SHISA9: variants seen among roughly 807,000 people sequenced by gnomAD.
SHISA9 encodes shisa family member 9, also known as protein shisa-9.
SHISA9 carries 13 observed loss-of-function variants against 38.0 expected under a neutral mutation model. That is an observed-to-expected ratio of 0.34 (90% confidence interval 0.22 to 0.54). SHISA9 has a LOEUF of 0.54. SHISA9 is among the 20% of genes least tolerant of loss of function. SHISA9 has a pLI of 0.91. For synonymous variants in SHISA9, 275 were observed against 242.0 expected (o/e 1.14, Z -1.27); for missense variants, 538 against 575.8 (o/e 0.93, Z 0.67).
the SHISA9 span, among the ~76,000 whole-genome samples, chr16:13,500,460 G>C: frequency 1.3e-5 from 2 of 152,178 alleles, no homozygotes; most frequent in African/African-American, 2.4e-5. Context: ...CCAGCGTAAA[G>C]TTTCTGCAGT....
At chr16:13,064,785 A>C (rs2073414804) in intron 2 of SHISA9, among the ~76,000 whole-genome samples, 1 of 94,170 alleles carries the variant, frequency 1.1e-5, no homozygotes. Context: ...GTTGTAAGGC[A>C]AAAAAAAAAA....
intron 1 of SHISA9, chr16:12,909,139 A>G: frequency 2.0e-6 from 2 of 985,658 alleles, no homozygotes; most frequent in Non-Finnish European, 2.4e-6. Context: ...TGGCCACAGA[A>G]AAGTCTTAAT....
chr16:13,423,431 G>A, the SHISA9 span, among the ~76,000 whole-genome samples: 1 of 152,154 alleles, frequency 6.6e-6, no homozygotes, highest in Admixed American at 6.5e-5. Flanking sequence ...GTTACCAAGA[G>A]TTCAATTTCA....
the SHISA9 span, among the ~76,000 whole-genome samples, chr16:13,418,920 C>T: frequency 2.6e-5 from 4 of 152,150 alleles, no homozygotes; most frequent in African/African-American, 9.7e-5. Context: ...CAGCTAATAG[C>T]CTGATTAATG....
chr16:13,022,582 C>T lies in SHISA9; in HGVS notation c.691+105767C>T, dbSNP rs545505383. Among the ~76,000 whole-genome samples, 10 of 152,138 alleles carry T rather than the reference C, an allele frequency of 6.6e-5. No individual in the cohort carries two copies. The East Asian group carries it at 7.8e-4, about 12-fold the overall frequency. ...CTGACCTCAGGTGATCCACCTGTCT[C>T]GGGCCTCCCAGAGTGCTGGGATTAC... On this transcript the variant is annotated intron_variant, in intron 2 of 4. Coordinates refer to ENST00000558583, the MANE Select transcript of SHISA9 (RefSeq NM_001145204.3).
At chr16:13,560,208 G>A in the SHISA9 span, among the ~76,000 whole-genome samples, 2 of 152,212 alleles carry the variant, frequency 1.3e-5, no homozygotes, top group Non-Finnish European at 2.9e-5. Context: ...CTAAGGCTTA[G>A]TATCTTCCCA....
At chr16:13,434,968 T>A in the SHISA9 span, among the ~76,000 whole-genome samples, 1 of 152,230 alleles carries the variant, frequency 6.6e-6, no homozygotes, top group African/African-American at 2.4e-5. Context: ...CCTTTGGGGC[T>A]TAATTAATAA....
intron 2 of SHISA9, among the ~76,000 whole-genome samples, chr16:13,181,308 TATATACACACAC>T (rs1171213965): frequency 2.6e-5 from 1 of 37,938 alleles, no homozygotes; most frequent in African/African-American, 1.6e-4. Flanking sequence ...TATATATATA[TATATACACACAC>T]ACACACACAC....
the SHISA9 span, among the ~76,000 whole-genome samples, chr16:13,402,722 G>C: frequency 6.6e-6 from 1 of 152,060 alleles, no homozygotes; most frequent in Non-Finnish European, 1.5e-5. Flanking sequence ...ATCACACCCC[G>C]CTAGACGAAC....
chr16:12,902,650 T>A (rs1456985694), intron 1 of SHISA9, 23 bp downstream of exon 1: 2 of 1,519,606 alleles, frequency 1.3e-6, no homozygotes, highest in Admixed American at 2.0e-5. Context: ...CCCTTCGCCC[T>A]CCCCTCGGGG....
chr16:13,009,227 G>A (rs2072640300), intron 2 of SHISA9, among the ~76,000 whole-genome samples: 1 of 152,150 alleles, frequency 6.6e-6, no homozygotes, highest in Non-Finnish European at 1.5e-5. Context: ...TGTAAGTGGA[G>A]GAGCTGGGAG....
intron 2 of SHISA9, among the ~76,000 whole-genome samples, chr16:12,990,542 C>T (rs1415173497): frequency 6.6e-6 from 1 of 152,194 alleles, no homozygotes. Context: ...TTTTATTATA[C>T]TTGGACATTT....
At chr16:13,521,725 A>G in the SHISA9 span, among the ~76,000 whole-genome samples, 2 of 152,198 alleles carry the variant, frequency 1.3e-5, no homozygotes, top group African/African-American at 2.4e-5. Flanking sequence ...GACTTGATGT[A>G]TTAGATTCTT....
At chr16:13,046,863 G>A (rs2073194079) in intron 2 of SHISA9, among the ~76,000 whole-genome samples, 1 of 152,046 alleles carries the variant, frequency 6.6e-6, no homozygotes, top group African/African-American at 2.4e-5. Context: ...TTTCTGCTCA[G>A]CCTTATGCTT....
intron 2 of SHISA9, among the ~76,000 whole-genome samples, chr16:12,930,664 A>G (rs1437085547): frequency 3.3e-5 from 5 of 152,210 alleles, no homozygotes; most frequent in Non-Finnish European, 7.3e-5. Context: ...GATGTGAATA[A>G]TAATGAAAAA....
the SHISA9 span, among the ~76,000 whole-genome samples, chr16:13,364,142 C>A: frequency 6.6e-6 from 1 of 152,212 alleles, no homozygotes; most frequent in Non-Finnish European, 1.5e-5. Flanking sequence ...TATGTGTCAT[C>A]TTTATTGTCA....
the SHISA9 span, among the ~76,000 whole-genome samples, chr16:13,529,202 A>G: frequency 6.6e-6 from 1 of 152,228 alleles, no homozygotes; most frequent in Non-Finnish European, 1.5e-5. Context: ...GGCAATGGAT[A>G]TCAAATTATA....
chr16:13,290,381 T>C, the SHISA9 span, among the ~76,000 whole-genome samples: 1 of 152,132 alleles, frequency 6.6e-6, no homozygotes, highest in Non-Finnish European at 1.5e-5. Flanking sequence ...CATTCACCCA[T>C]GCTTTTAGCC....
the SHISA9 span, among the ~76,000 whole-genome samples, chr16:13,456,007 T>A: frequency 2.0e-5 from 3 of 152,192 alleles, no homozygotes; most frequent in Non-Finnish European, 4.4e-5. Context: ...GGCTAAGGAC[T>A]CTCAGGACCT....
Sources: allele counts gnomAD v4.1 joint callset (sites outside exome capture counted in the v4.1 genomes callset), GRCh38; gene constraint gnomAD v4.1.1; transcripts MANE v1.5; gene names NCBI Gene and HGNC (gene_info 2026-07-23, HGNC 2026-07-21).